The following COPZ2 variants were observed in gnomAD, a reference collection of about 807,000 sequenced individuals.
COPZ2 encodes coat protein complex I subunit zeta 2.
In COPZ2, 30 loss-of-function variants were observed where a neutral mutation model predicts 33.2. The observed-to-expected ratio is 0.90, with a 90% CI of 0.68 to 1.23. The LOEUF (loss-of-function observed/expected upper bound fraction) is 1.23. Among genes scored for constraint, COPZ2 ranks in the 50% most tolerant of loss-of-function variants. The pLI is 0.00. For synonymous variants in COPZ2, 89 were observed against 102.6 expected (o/e 0.87, Z 0.80); for missense variants, 263 against 262.4 (o/e 1.00, Z -0.02).
chr17:48,028,435 G>T lies in COPZ2; in HGVS notation c.585+37C>A. 1 of 1,600,060 alleles carries T rather than the reference G, an allele frequency of 6.2e-7. No individual in the cohort carries two copies. Among genetic ancestry groups the T allele is most frequent in the South Asian group, 1.1e-5 (1 of 88,476 alleles). Reference sequence around the variant, plus strand: ...ATGCTCTGCTCCCCGTATCTCTCTAGACCATTTCTAGCCAAGGCAGATGCA... The same window carrying T: ...ATGCTCTGCTCCCCGTATCTCTCTATACCATTTCTAGCCAAGGCAGATGCA... On this transcript the variant is annotated intron_variant, in intron 8 of 8. Transcript: ENST00000621465. The surrounding 1 kb of genome is among the most constrained non-coding windows in gnomAD (Gnocchi z 4.5).
rs538885282 is a variant in COPZ2, at chr17:48,029,272, T to G, written c.495-96A>C. 98 of 1,047,356 alleles carry G rather than the reference T, an allele frequency of 9.4e-5. 1 individual carries two copies. In the East Asian group the frequency reaches 1.8e-3, roughly 19 times the overall value. The allele number at this position is 1,047,356 out of a possible 1,614,324, so 64.9% of individuals were successfully genotyped here. On this transcript the variant is annotated intron_variant, in intron 6 of 8. Transcript: ENST00000621465. ...CAAGCCTCTTCCCTCTCCGAAGGCA[T>G]CCTGCAACATCTCCACCTTCCAGGT...
At chr17:48,034,905 G>A (rs1049941505) in intron 2 of COPZ2, among the ~76,000 whole-genome samples, 2 of 152,158 alleles carry the variant, frequency 1.3e-5, no homozygotes, top group Admixed American at 1.3e-4. Context: ...AGAATCGCTT[G>A]AACCCGGGAG....
At chr17:48,045,430 A>G in the COPZ2 span, 1 of 147,498 alleles carries the variant, frequency 6.8e-6, no homozygotes, top group East Asian at 2.1e-4. Context: ...TCCTCCAGGG[A>G]TGACTGCAGG....
upstream of COPZ2, among the ~76,000 whole-genome samples, chr17:48,042,121 G>GATTTTT (rs1555572439): frequency 6.6e-6 from 1 of 151,958 alleles, no homozygotes; most frequent in African/African-American, 2.4e-5. Flanking sequence ...CACTGTTGTT[G>GATTTTT]CTTTTTCTTT....
intron 5 of COPZ2, 80 bp downstream of exon 5, chr17:48,032,606 G>T: frequency 8.6e-7 from 1 of 1,159,536 alleles, no homozygotes; most frequent in Non-Finnish European, 1.3e-6. Context: ...GGGACTTCAG[G>T]AGAAAAACAG....
chr17:48,041,839 A>G (rs1257778784), upstream of COPZ2, among the ~76,000 whole-genome samples: 2 of 150,190 alleles, frequency 1.3e-5, no homozygotes, highest in African/African-American at 4.9e-5. Flanking sequence ...CATATTTACA[A>G]GGACAGCACC....
At chr17:48,045,709 A>G in the COPZ2 span, 1 of 152,232 alleles carries the variant, frequency 6.6e-6, no homozygotes, top group East Asian at 1.9e-4. Context: ...GCATGCGCTC[A>G]CTTTTTCCAG....
In COPZ2 at chr17:48,028,522, C is replaced by A; in HGVS notation, c.547-12G>T. 4 of 1,606,188 alleles carry A rather than the reference C, an allele frequency of 2.5e-6. No individual in the cohort carries two copies. Among genetic ancestry groups the A allele is most frequent in the Non-Finnish European group, 3.4e-6 (4 of 1,176,538 alleles). ...CCGCCATCATCTGCCTGTAAGGAAG[C>A]AGAGTCAAGGGGTGGGGTAGGGCCA... On this transcript the variant is annotated splice_polypyrimidine_tract_variant and intron_variant, in intron 7 of 8. Transcript: ENST00000621465. This position sits in a 1 kb window ranked among gnomAD's most constrained non-coding sequence, Gnocchi z 4.5.
chr17:48,034,664 C>T lies in COPZ2; in HGVS notation c.187-720G>A, dbSNP rs1055002819. Reference sequence around the variant, plus strand: ...CAGCTACTTTATTATCCCCATTACACGGATGGGGAAACCGAGGCATCAAGA... The same window carrying T: ...CAGCTACTTTATTATCCCCATTACATGGATGGGGAAACCGAGGCATCAAGA... On this transcript the variant is annotated intron_variant, in intron 2 of 8. Coordinates refer to ENST00000621465, the MANE Select transcript of COPZ2 (RefSeq NM_016429.4). 3.3e-5 allele frequency among the ~76,000 whole-genome samples: 5 copies of T among 152,190 alleles called. No individual in the cohort carries two copies. In the South Asian group the frequency reaches 6.2e-4, roughly 19 times the overall value.
intron 6 of COPZ2, among the ~76,000 whole-genome samples, chr17:48,030,754 C>T (rs940354668): frequency 1.3e-5 from 2 of 152,316 alleles, no homozygotes; most frequent in African/African-American, 4.8e-5. Flanking sequence ...GAGGCAGAGA[C>T]GGGAAGCTTG....
upstream of COPZ2, among the ~76,000 whole-genome samples, chr17:48,042,778 A>C (rs972952817): frequency 6.6e-6 from 1 of 152,144 alleles, no homozygotes; most frequent in South Asian, 2.1e-4. Context: ...ATCTCTTTAC[A>C]TCTTAGTTTA....
intron 6 of COPZ2, among the ~76,000 whole-genome samples, chr17:48,029,966 T>A (rs1311841903): frequency 1.4e-5 from 2 of 143,756 alleles, no homozygotes; most frequent in Admixed American, 7.0e-5. Context: ...AGACTCTGTC[T>A]AAAAAAAAAA....
At chr17:48,036,771 G>T in intron 2 of COPZ2, 80 bp downstream of exon 2, 1 of 1,349,744 alleles carries the variant, frequency 7.4e-7, no homozygotes, top group East Asian at 2.4e-5. Context: ...GAGTCACAGA[G>T]ATCACAGTGG....
chr17:48,031,249 G>A (rs1236407243), intron 6 of COPZ2, among the ~76,000 whole-genome samples: 9 of 152,046 alleles, frequency 5.9e-5, no homozygotes, highest in African/African-American at 9.7e-5. Context: ...TCAGGAGATC[G>A]AGACCATCCT....
Position 48,037,232 on chromosome 17 carries a change from T to C in COPZ2, c.112-307A>G. On this transcript the variant is annotated intron_variant, in intron 1 of 8. Transcript: ENST00000621465. This position sits in a 1 kb window ranked among gnomAD's most constrained non-coding sequence, Gnocchi z 5.6. ...CCGAGTCGGAGTGTATCACAGAACC[T>C]GGGCCGGGGGGGACAGCGGGCCGAG... The C allele has an allele frequency of 3.3e-6, 2 of 612,170 alleles. No individual in the cohort carries two copies. The highest frequency in any genetic ancestry group is 3.1e-6 in the Non-Finnish European group (1 of 318,770). The allele number at this position is 612,170 out of a possible 1,614,324, so 37.9% of individuals were successfully genotyped here.
At position 48,028,597 on chromosome 17, in the gene COPZ2, G is replaced by T; in HGVS notation, c.547-87C>A. ...GTGAAGGAAAGGGGCTTGGGGGTAT[G>T]GGTGAGGTGGTGCAGTGGTTAGGGT... On this transcript the variant is annotated intron_variant, in intron 7 of 8. Transcript: ENST00000621465. The surrounding 1 kb of genome is among the most constrained non-coding windows in gnomAD (Gnocchi z 4.5). The T allele has an allele frequency of 7.9e-7, 1 of 1,268,530 alleles. No homozygotes were observed. The highest frequency in any genetic ancestry group is 1.1e-6 in the Non-Finnish European group (1 of 894,370). The allele number at this position is 1,268,530 out of a possible 1,614,324, so 78.6% of individuals were successfully genotyped here.
intron 6 of COPZ2, among the ~76,000 whole-genome samples, chr17:48,030,611 CCT>C (rs978443778): frequency 2.2e-4 from 33 of 152,312 alleles, no homozygotes; most frequent in Middle Eastern, 3.4e-3. Context: ...CTGAGCACCC[CCT>C]GTCCCAAGCT....
At chr17:48,029,399 C>A (rs1433351746) in intron 6 of COPZ2, 3 of 606,678 alleles carry the variant, frequency 4.9e-6, no homozygotes, top group Admixed American at 3.0e-5. Context: ...CATGCTTTGT[C>A]ATCCCTGGGC....
chr17:48,042,821 A>G (rs973554011), upstream of COPZ2, among the ~76,000 whole-genome samples: 1 of 152,206 alleles, frequency 6.6e-6, no homozygotes, highest in Non-Finnish European at 1.5e-5. Context: ...GCCAAGTTCA[A>G]CTTTTCAAGG....
Sources: allele counts gnomAD v4.1 joint callset (sites outside exome capture counted in the v4.1 genomes callset), GRCh38; gene constraint gnomAD v4.1.1; non-coding constraint Gnocchi (gnomAD v3.1); transcripts MANE v1.5; gene names NCBI Gene and HGNC (gene_info 2026-07-23, HGNC 2026-07-21).